Variants in ROCK2 observed in about 807,000 individuals in gnomAD.
The protein encoded by ROCK2 is rho-associated protein kinase 2.
Under a neutral mutation model 195.1 loss-of-function variants are expected in ROCK2, and 61 were observed. The observed-to-expected ratio is 0.31, with a 90% CI of 0.25 to 0.39. ROCK2 has a LOEUF of 0.39. Among genes scored for constraint, ROCK2 ranks in the 10% least tolerant of loss-of-function variants. The pLI is 1.00. For missense variants in ROCK2, 1,109 were observed against 1,637.4 expected (o/e 0.68, Z 5.57); for synonymous variants, 504 against 545.5 (o/e 0.92, Z 1.06).
At chr2:11,219,489 C>T (rs1664553683) in intron 9 of ROCK2, among the ~76,000 whole-genome samples, 1 of 151,984 alleles carries the variant, frequency 6.6e-6, no homozygotes, top group Non-Finnish European at 1.5e-5. Flanking sequence ...CTAGCCTGGG[C>T]GACGAAGTGA....
At chr2:11,321,730 C>T (rs1426312322) in intron 1 of ROCK2, among the ~76,000 whole-genome samples, 1 of 151,984 alleles carries the variant, frequency 6.6e-6, no homozygotes, top group Non-Finnish European at 1.5e-5. Context: ...AACAAAAACT[C>T]GATCACAAGT....
At chr2:11,230,653 T>G (rs533108276) in intron 5 of ROCK2, among the ~76,000 whole-genome samples, 102 of 152,308 alleles carry the variant, frequency 6.7e-4, no homozygotes, top group African/African-American at 2.4e-3. Context: ...AGCCAGATAA[T>G]CAAGTATGCA....
At position 11,201,441 on chromosome 2, in the gene ROCK2, G is replaced by C. The variant is rs6735686; in HGVS notation, c.2620-28C>G. The C allele has an allele frequency of 8.7e-7, 1 of 1,144,770 alleles. No homozygotes were observed. The highest frequency in any genetic ancestry group is 1.7e-5 in the Admixed American group (1 of 57,700). 70.9% of individuals were successfully genotyped at this position (1,144,770 alleles called of 1,614,324 possible). A position where few individuals can be genotyped will look rare whatever the true frequency, so the allele number is the denominator to read the frequency against. Reference sequence around the variant, plus strand: ...AAATAGCAAAATACAACAGAAATGCGTATCATCATCAGAAATATTACTTCT... The same window carrying C: ...AAATAGCAAAATACAACAGAAATGCCTATCATCATCAGAAATATTACTTCT... On this transcript the variant is annotated intron_variant, in intron 21 of 32. Coordinates refer to ENST00000315872, the MANE Select transcript of ROCK2 (RefSeq NM_004850.5). This position sits in a 1 kb window ranked among gnomAD's most constrained non-coding sequence, Gnocchi z 4.6.
At chr2:11,258,212 G>A (rs528759443) in intron 3 of ROCK2, among the ~76,000 whole-genome samples, 2 of 151,442 alleles carry the variant, frequency 1.3e-5, no homozygotes, top group East Asian at 1.9e-4. Context: ...ATATAATGAC[G>A]ACATGGTGAA....
At chr2:11,308,778 C>T (rs573823639) in intron 1 of ROCK2, 3 of 1,612,294 alleles carry the variant, frequency 1.9e-6, no homozygotes, top group Non-Finnish European at 2.5e-6. Context: ...AAAAGGTTTA[C>T]CAGCACCAAG....
chr2:11,194,278 G>T lies in ROCK2; in HGVS notation c.3586C>A (p.Pro1196Thr). 7.0e-7 allele frequency: 1 copy of T among 1,436,766 alleles called. No individual in the cohort carries two copies. The highest frequency in any genetic ancestry group is 1.5e-5 in the South Asian group (1 of 67,816). The allele number at this position is 1,436,766 out of a possible 1,614,324, so 89.0% of individuals were successfully genotyped here. The change falls in exon 29 of 33, where the codon CCT becomes ACT. Residue 1196 changes from proline to threonine, a missense_variant. By Grantham distance (38) the Pro-to-Thr change is conservative (BLOSUM62 -1). This residue lies in a region of ROCK2 where 221 missense variants were observed against 355.1 expected (regional missense o/e 0.62). Transcript: ENST00000315872. ...TACTCTATATCTAAAACCATGTAAG[G>T]ATTGGATTGTTCTTTATCTTGTTCA... ...DSEQDKEQSN[P>T]YMVLDIDKLF...
chr2:11,235,138 A>G lies in ROCK2; in HGVS notation c.723+564T>C, dbSNP rs1665157508. Among the ~76,000 whole-genome samples the G allele has an allele frequency of 1.3e-5, 2 of 152,166 alleles. No homozygotes were observed. Among genetic ancestry groups the G allele is most frequent in the Non-Finnish European group, 2.9e-5 (2 of 67,988 alleles). On this transcript the variant is annotated intron_variant, in intron 5 of 32. Transcript: ENST00000315872. The surrounding 1 kb of genome is among the most constrained non-coding windows in gnomAD (Gnocchi z 4.2). ...AAGATATATAAATTTTACAACCAAA[A>G]TAAATCAGTATCATAATTAGCTACG...
At chr2:11,339,093 T>C (rs1010349800) in intron 1 of ROCK2, among the ~76,000 whole-genome samples, 2 of 152,204 alleles carry the variant, frequency 1.3e-5, no homozygotes, top group South Asian at 2.1e-4. Flanking sequence ...TTCAGATCTG[T>C]GCATTTCATT....
intron 1 of ROCK2, among the ~76,000 whole-genome samples, chr2:11,326,543 G>A (rs1382850836): frequency 6.6e-6 from 1 of 152,192 alleles, no homozygotes; most frequent in African/African-American, 2.4e-5. Flanking sequence ...AGAGGAGGAG[G>A]CAGAAGCTAG....
intron 1 of ROCK2, among the ~76,000 whole-genome samples, chr2:11,291,010 A>G (rs2148200010): frequency 6.6e-6 from 1 of 152,314 alleles, no homozygotes; most frequent in African/African-American, 2.4e-5. Context: ...TAGGTTGTCT[A>G]TATGCAAAAA....
chr2:11,224,354 T>C lies in ROCK2; in HGVS notation c.975A>G (p.Ala325=). The stretch of plus-strand genomic sequence containing the variant: ...TTAAGAAAGCACAGATGAGATTCTT[T>C]GCATGTTTGGAAATTTCTGCATCTT... ...FPEDAEISKH[A]KNLICAFLTD... is the part of the protein sequence containing the mutation. Residue 325 remains alanine (A), a synonymous_variant, in exon 7 of 33, where the codon GCA becomes GCG. Coordinates refer to ENST00000315872, the MANE Select transcript of ROCK2 (RefSeq NM_004850.5). 6.2e-7 allele frequency: 1 copy of C among 1,613,442 alleles called. No individual in the cohort carries two copies. The highest frequency in any genetic ancestry group is 8.5e-7 in the Non-Finnish European group (1 of 1,179,582).
intron 3 of ROCK2, among the ~76,000 whole-genome samples, chr2:11,272,853 G>A (rs1666687197): frequency 7.6e-6 from 1 of 131,378 alleles, no homozygotes; most frequent in South Asian, 2.5e-4. Flanking sequence ...CTGGGCGACA[G>A]AGCAAGACTC....
At chr2:11,198,651 T>TA (rs1303464206) in intron 24 of ROCK2, 30 bp downstream of exon 24, 2 of 1,574,200 alleles carry the variant, frequency 1.3e-6, no homozygotes, top group East Asian at 4.5e-5. Context: ...TTAGGTATAT[T>TA]AAAAATAAAC....
chr2:11,232,907 C>A (rs1355876686), intron 5 of ROCK2, among the ~76,000 whole-genome samples: 1 of 152,130 alleles, frequency 6.6e-6, no homozygotes, highest in Non-Finnish European at 1.5e-5. Flanking sequence ...GGTTTGTCAT[C>A]ATTAGTTACA....
intron 1 of ROCK2, among the ~76,000 whole-genome samples, chr2:11,291,306 T>G (rs1430343779): frequency 6.6e-6 from 1 of 152,202 alleles, no homozygotes; most frequent in South Asian, 2.1e-4. Context: ...TCCCAGCACT[T>G]TGGGAGGCCG....
chr2:11,300,065 T>C (rs960514077), intron 1 of ROCK2, among the ~76,000 whole-genome samples: 8 of 152,208 alleles, frequency 5.3e-5, no homozygotes, highest in Admixed American at 1.3e-4. Flanking sequence ...CTATAAATCC[T>C]TATTTGTCAG....
Position 11,192,192 on chromosome 2 carries a change from C to A in ROCK2, c.4119G>T (p.Gln1373His). 1 of 1,612,668 alleles carries A rather than the reference C, an allele frequency of 6.2e-7. No homozygotes were observed. Among genetic ancestry groups the A allele is most frequent in the East Asian group, 2.2e-5 (1 of 44,818 alleles). Residue 1373 changes from glutamine to histidine, a missense_variant, in exon 32 of 33, where the codon CAG becomes CAT. This residue lies in a region of ROCK2 where 221 missense variants were observed against 355.1 expected (regional missense o/e 0.62). Coordinates refer to ENST00000315872, the MANE Select transcript of ROCK2 (RefSeq NM_004850.5). The surrounding 1 kb of genome is among the most constrained non-coding windows in gnomAD (Gnocchi z 5.0). ...GCTGTCGACTTGGCCGTCTAATAGA[C>A]TGGTTTTGCTGTATCTTCATTGAAG... ...PRTSMKIQQN[Q>H]SIRRPSRQLA...
Position 11,308,010 on chromosome 2 carries a change from G to A in ROCK2, c.142-20274C>T. 1.9e-6 allele frequency: 3 copies of A among 1,546,150 alleles called. No homozygotes were observed. The South Asian group carries it at 3.6e-5, about 19-fold the overall frequency. ...GCTGGGGTAGGGGCAGGAGGGGACG[G>A]GGTGGGGACCAGCCATGTCAGAGGT... On this transcript the variant is annotated intron_variant, in intron 1 of 32. Transcript: ENST00000315872.
intron 32 of ROCK2, among the ~76,000 whole-genome samples, chr2:11,187,679 A>G (rs1441901568): frequency 6.6e-6 from 1 of 152,184 alleles, no homozygotes; most frequent in East Asian, 1.9e-4. Flanking sequence ...ATATTTTGGA[A>G]ATACATGGTG....
Sources: gnomAD v4.1 joint callset for allele counts (sites outside exome capture counted in the v4.1 genomes callset) on GRCh38, gnomAD v4.1.1 for gene constraint, gnomAD v4.1.1 regional missense constraint, Gnocchi (gnomAD v3.1) non-coding constraint, MANE v1.5 for transcripts, NCBI Gene and HGNC (gene_info 2026-07-23, HGNC 2026-07-21) for gene names.